The following NAA16 variants were observed in gnomAD, a reference collection of about 807,000 sequenced individuals.
NAA16 encodes the protein N-alpha-acetyltransferase 16, NatA auxiliary subunit.
In NAA16, 97 loss-of-function variants were observed where a neutral mutation model predicts 110.3. That is an observed-to-expected ratio of 0.88 (90% CI 0.75 to 1.04). NAA16 has a LOEUF of 1.04. NAA16 is among the 50% of genes least tolerant of loss of function. NAA16 has a pLI of 0.00. For missense variants in NAA16, 1,017 were observed against 1,005.1 expected, an observed-to-expected ratio of 1.01 and a Z score of -0.16; for synonymous variants, 372 against 330.6, an observed-to-expected ratio of 1.13 and a Z score of -1.36.
At chr13:41,353,113 T>TCAAAACAAAACAAAA (rs57333303) in intron 9 of NAA16, among the ~76,000 whole-genome samples, 4,196 of 150,504 alleles carry the variant, frequency 0.028, 187 homozygotes, top group African/African-American at 0.095. Flanking sequence ...AGACTCCATC[T>TCAAAACAAAACAAAA]CAAAACAAAA....
In NAA16 at chr13:41,316,854, T is replaced by G; in HGVS notation, c.63T>G (p.Tyr21Ter). The G allele has an allele frequency of 1.2e-6, 2 of 1,611,436 alleles. No individual in the cohort carries two copies. Among genetic ancestry groups the G allele is most frequent in the Non-Finnish European group, 1.7e-6 (2 of 1,177,756 alleles). ...SNLFKRILKCYEQKQYKNGLK... is the reference protein window; with the variant it reads ...SNLFKRILKC The stretch of plus-strand genomic sequence containing the variant: ...TTCATATTTCTTTACAGAAATGTTA[T>G]GAACAGAAGCAGTACAAAAATGGCC... The change falls in exon 2 of 20, where the codon TAT (tyrosine) becomes TAG (stop). Residue 21 changes from tyrosine (Y) to a stop codon, truncating the protein, a stop_gained. Coordinates refer to ENST00000379406, the MANE Select transcript of NAA16 (RefSeq NM_024561.5). LOFTEE classifies it high-confidence loss of function.
chr13:41,338,564 AAAC>A (rs1396624913), intron 9 of NAA16, among the ~76,000 whole-genome samples: 1 of 152,222 alleles, frequency 6.6e-6, no homozygotes, highest in Non-Finnish European at 1.5e-5. Context: ...AAAATGAATT[AAAC>A]TGCAGAAAAT....
At chr13:41,362,655 T>G (rs1241623439) in intron 13 of NAA16, 6 of 1,211,364 alleles carry the variant, frequency 5.0e-6, no homozygotes, top group Non-Finnish European at 5.4e-6. Flanking sequence ...ATTATTTGTG[T>G]GATGTGCCTT....
In NAA16 at chr13:41,332,631, T is replaced by C. The variant is rs889872926; in HGVS notation, c.907+1262T>C. On this transcript the variant is annotated intron_variant, in intron 8 of 19. Transcript: ENST00000379406. ...ATGAATTGTATATTGGGACTTCTGG[T>C]ATTTCTTTTGACACAAGTCAGAGTC... Among the ~76,000 whole-genome samples the C allele has an allele frequency of 3.3e-5, 5 of 152,194 alleles. No homozygotes were observed. The South Asian group carries it at 1.0e-3, about 32-fold the overall frequency.
chr13:41,350,636 T>G (rs2042811982), intron 9 of NAA16, among the ~76,000 whole-genome samples: 1 of 144,236 alleles, frequency 6.9e-6, no homozygotes, highest in African/African-American at 2.6e-5. Flanking sequence ...TTGTTTTTTT[T>G]AAGATAAGAG....
intron 8 of NAA16, among the ~76,000 whole-genome samples, chr13:41,336,201 A>G (rs959100689): frequency 5.9e-5 from 9 of 151,964 alleles, no homozygotes; most frequent in Admixed American, 2.6e-4. Context: ...AATCACTGCT[A>G]TATCCTCAAT....
At chr13:41,352,540 A>G (rs1278998866) in intron 9 of NAA16, among the ~76,000 whole-genome samples, 1 of 152,066 alleles carries the variant, frequency 6.6e-6, no homozygotes, top group Non-Finnish European at 1.5e-5. Flanking sequence ...CTTTAGTTCC[A>G]GCTACTCAGG....
intron 12 of NAA16, among the ~76,000 whole-genome samples, chr13:41,359,415 A>G (rs2043065716): frequency 6.6e-6 from 1 of 152,202 alleles, no homozygotes; most frequent in African/African-American, 2.4e-5. Flanking sequence ...TGGGCTACAC[A>G]TCCATCCCTT....
At chr13:41,336,321 G>T (rs1293085849) in intron 8 of NAA16, among the ~76,000 whole-genome samples, 1 of 152,150 alleles carries the variant, frequency 6.6e-6, no homozygotes, top group Non-Finnish European at 1.5e-5. Flanking sequence ...GAAAACATTT[G>T]TAAACACCAG....
chr13:41,349,035 A>G (rs1488475283), intron 9 of NAA16, among the ~76,000 whole-genome samples: 1 of 152,062 alleles, frequency 6.6e-6, no homozygotes, highest in Non-Finnish European at 1.5e-5. Flanking sequence ...TTGTCAGTCT[A>G]GCTAAAGGTT....
At chr13:41,334,095 A>AT (rs887536726) in intron 8 of NAA16, among the ~76,000 whole-genome samples, 20 of 152,036 alleles carry the variant, frequency 1.3e-4, no homozygotes, top group East Asian at 9.6e-4. Flanking sequence ...ATATTTCATG[A>AT]TTTTTTTGCC....
chr13:41,337,284 C>G (rs1346280079), intron 9 of NAA16, among the ~76,000 whole-genome samples: 1 of 152,072 alleles, frequency 6.6e-6, no homozygotes, highest in Non-Finnish European at 1.5e-5. Flanking sequence ...TGGCTCATGC[C>G]TGTAATCCTA....
intron 9 of NAA16, among the ~76,000 whole-genome samples, chr13:41,338,748 CT>C (rs955921098): frequency 6.6e-6 from 1 of 151,828 alleles, no homozygotes; most frequent in African/African-American, 2.4e-5. Context: ...TTGTGTTTGA[CT>C]TTTTTTGTAG....
intron 13 of NAA16, among the ~76,000 whole-genome samples, chr13:41,363,106 A>G (rs997492133): frequency 2.0e-4 from 30 of 151,502 alleles, no homozygotes; most frequent in Non-Finnish European, 1.5e-5. Context: ...ATCTCTGGGG[A>G]AAATCCTCCT....
chr13:41,346,762 T>G (rs1167204831), intron 9 of NAA16, among the ~76,000 whole-genome samples: 2 of 152,106 alleles, frequency 1.3e-5, no homozygotes, highest in Non-Finnish European at 2.9e-5. Flanking sequence ...AGCTGGGCCC[T>G]TTGTTATCTT....
intron 9 of NAA16, among the ~76,000 whole-genome samples, chr13:41,341,144 G>A (rs995526714): frequency 1.3e-5 from 2 of 152,150 alleles, no homozygotes; most frequent in Admixed American, 6.6e-5. Flanking sequence ...TTGATTTGGG[G>A]TGGGGAGTTC....
intron 13 of NAA16, among the ~76,000 whole-genome samples, chr13:41,365,952 G>C (rs1333577122): frequency 6.6e-6 from 1 of 152,016 alleles, no homozygotes; most frequent in Non-Finnish European, 1.5e-5. Flanking sequence ...ATGTGTTCCA[G>C]GACTTTTAGC....
Position 41,369,073 on chromosome 13 carries a change from C to T in NAA16, c.1754-17C>T. On this transcript the variant is annotated splice_polypyrimidine_tract_variant and intron_variant, in intron 14 of 19. Transcript: ENST00000379406. The stretch of plus-strand genomic sequence containing the variant: ...GCAAACATTGGCTCAGAATTTTGTT[C>T]ATTTGGATATTTATAGAAAACTTGT... The T allele has an allele frequency of 6.5e-7, 1 of 1,547,610 alleles. No individual in the cohort carries two copies. The highest frequency in any genetic ancestry group is 8.7e-7 in the Non-Finnish European group (1 of 1,155,658).
intron 8 of NAA16, among the ~76,000 whole-genome samples, chr13:41,332,058 G>C (rs1247539599): frequency 6.6e-6 from 1 of 152,012 alleles, no homozygotes; most frequent in Non-Finnish European, 1.5e-5. Flanking sequence ...TGAAGTTTTT[G>C]TGTTTTTGTT....
Sources: gnomAD v4.1 joint callset for allele counts (sites outside exome capture counted in the v4.1 genomes callset) on GRCh38, gnomAD v4.1.1 for gene constraint, MANE v1.5 for transcripts, NCBI Gene and HGNC (gene_info 2026-07-23, HGNC 2026-07-21) for gene names.